The following SOX5 variants were observed in gnomAD, a reference collection of about 807,000 sequenced individuals.
SOX5 encodes transcription factor SOX-5.
A neutral mutation model predicts 92.0 loss-of-function variants in SOX5; 9 were observed. The observed-to-expected ratio is 0.10, with a 90% confidence interval of 0.06 to 0.17. The LOEUF (loss-of-function observed/expected upper bound fraction) is 0.17, where lower values mean the gene tolerates loss of function less well. Among genes scored for constraint, SOX5 ranks in the 10% least tolerant of loss-of-function variants. SOX5 has a pLI of 1.00. For missense variants in SOX5, 642 were observed against 944.5 expected (o/e 0.68, Z 4.20); for synonymous variants, 344 against 336.3 (o/e 1.02, Z -0.25).
At position 23,784,617 on chromosome 12, in the gene SOX5, T is replaced by C. The variant is rs570466311; in HGVS notation, c.482-28893A>G. Among the ~76,000 whole-genome samples the C allele has an allele frequency of 3.9e-5, 6 of 152,290 alleles. No homozygotes were observed. In the East Asian group the frequency reaches 9.7e-4, roughly 25 times the overall value. On this transcript the variant is annotated intron_variant, in intron 3 of 14. Transcript: ENST00000451604. Reference sequence around the variant, plus strand: ...CTGGGATTAGAGGCGTGAGCCAACATGCCTGGCCGATATATTTTATTTACA... The same window carrying C: ...CTGGGATTAGAGGCGTGAGCCAACACGCCTGGCCGATATATTTTATTTACA...
chr12:23,943,990 C>T (rs1358764659), intron 1 of SOX5, among the ~76,000 whole-genome samples: 2 of 152,046 alleles, frequency 1.3e-5, no homozygotes, highest in Non-Finnish European at 2.9e-5. Context: ...GATTAAGGTT[C>T]AGTGGTTCCA....
intron 8 of SOX5, among the ~76,000 whole-genome samples, chr12:23,636,584 T>C (rs781050612): frequency 6.6e-6 from 1 of 152,186 alleles, no homozygotes; most frequent in Non-Finnish European, 1.5e-5. Flanking sequence ...ATTTATAATG[T>C]CCTTTATTTA....
chr12:24,039,609 G>A (rs1956339075), intron 4 of SOX5, among the ~76,000 whole-genome samples: 1 of 152,126 alleles, frequency 6.6e-6, no homozygotes, highest in South Asian at 2.1e-4. Context: ...AGTTCAAATG[G>A]TTGCAAAATG....
intron 4 of SOX5, among the ~76,000 whole-genome samples, chr12:24,008,822 A>T (rs1952604536): frequency 6.6e-6 from 1 of 152,014 alleles, no homozygotes; most frequent in African/African-American, 2.4e-5. Flanking sequence ...CAGTATTTAT[A>T]CCCCTGTGGA....
upstream of SOX5, among the ~76,000 whole-genome samples, chr12:23,953,298 T>C (rs1288771276): frequency 6.6e-6 from 1 of 152,072 alleles, no homozygotes; most frequent in African/African-American, 2.4e-5. Context: ...ATTGAATCTT[T>C]TAAATTTTGC....
chr12:23,771,187 CAA>C (rs376988688), intron 3 of SOX5, among the ~76,000 whole-genome samples: 18,041 of 108,510 alleles, frequency 0.17, 1,399 homozygotes, highest in Non-Finnish European at 0.23. Flanking sequence ...AAAAATGGAG[CAA>C]AAAAAAAAAA....
chr12:24,496,514 C>T (rs1458693662), intron 1 of SOX5, among the ~76,000 whole-genome samples: 1 of 152,064 alleles, frequency 6.6e-6, no homozygotes, highest in African/African-American at 2.4e-5. Context: ...CTCAGCTTAC[C>T]CTAACTTCGC....
chr12:24,146,478 A>G (rs1301300399), intron 4 of SOX5, among the ~76,000 whole-genome samples: 1 of 152,116 alleles, frequency 6.6e-6, no homozygotes, highest in Non-Finnish European at 1.5e-5. Flanking sequence ...AGATCCTGCT[A>G]AAACAATAAT....
At chr12:24,290,057 G>C (rs1946443015) in intron 2 of SOX5, among the ~76,000 whole-genome samples, 1 of 152,126 alleles carries the variant, frequency 6.6e-6, no homozygotes, top group South Asian at 2.1e-4. Context: ...TCCTTTGTCT[G>C]CGATCCAAAA....
At chr12:24,264,583 T>C (rs998809547) in intron 3 of SOX5, among the ~76,000 whole-genome samples, 1 of 152,192 alleles carries the variant, frequency 6.6e-6, no homozygotes, top group African/African-American at 2.4e-5. Context: ...TATCTTTATT[T>C]TAATAATTTG....
chr12:23,570,183 G>A (rs945725279), intron 10 of SOX5, among the ~76,000 whole-genome samples: 1 of 152,092 alleles, frequency 6.6e-6, no homozygotes, highest in African/African-American at 2.4e-5. Context: ...TGTTTCCAGT[G>A]ATTTTCAACA....
intron 6 of SOX5, among the ~76,000 whole-genome samples, chr12:23,681,346 A>G (rs1274841354): frequency 1.3e-5 from 2 of 151,934 alleles, no homozygotes; most frequent in African/African-American, 4.8e-5. Context: ...AAAATAAAAG[A>G]AAATAGACAC....
At chr12:23,850,452 A>T (rs1044727599) in intron 2 of SOX5, among the ~76,000 whole-genome samples, 8 of 105,268 alleles carry the variant, frequency 7.6e-5, no homozygotes, top group Admixed American at 3.7e-4. Flanking sequence ...ATAAATAAAT[A>T]AAAAAAAAAT....
Position 23,546,345 on chromosome 12 carries a change from A to G in SOX5, c.1568T>C (p.Met523Thr), listed in dbSNP as rs752475410. Residue 523 changes from methionine to threonine, a missense_variant, in exon 12 of 15, where the codon ATG becomes ACG. Physicochemically the swap from Met to Thr is moderately conservative, Grantham distance 81. Coordinates refer to ENST00000451604, the MANE Select transcript of SOX5 (RefSeq NM_006940.6). ...AGAATCTCCACTCAGATTGAAATCC[A>G]TCATTGCATGGCTAAATTTTCCTTC... ...NEEGKFSHAM[M>T]DFNLSGDSDG... 23 of 1,598,758 alleles carry G rather than the reference A, an allele frequency of 1.4e-5. No homozygotes were observed. Among genetic ancestry groups the G allele is most frequent in the Non-Finnish European group, 2.0e-5 (23 of 1,166,506 alleles).
In SOX5 at chr12:23,617,052, C is replaced by CA. The variant is rs1345164381; in HGVS notation, c.1018-12520dup. Among the ~76,000 whole-genome samples, 5 of 149,724 alleles carry CA rather than the reference C, an allele frequency of 3.3e-5. No homozygotes were observed. In the East Asian group the frequency reaches 9.9e-4, roughly 30 times the overall value. ...AGACAGGGGGATTGCTTGAGCCCAG[C>CA]AGTTCAAGGCTGCAGTGAGCTGTGA... On this transcript the variant is annotated intron_variant, in intron 8 of 14. Transcript: ENST00000451604.
intron 4 of SOX5, among the ~76,000 whole-genome samples, chr12:24,200,428 A>T (rs909551460): frequency 6.6e-6 from 1 of 152,078 alleles, no homozygotes; most frequent in Non-Finnish European, 1.5e-5. Context: ...AAATATACAT[A>T]TACTTACTAT....
intron 14 of SOX5, among the ~76,000 whole-genome samples, chr12:23,535,492 G>A (rs1048108757): frequency 2.0e-5 from 3 of 152,134 alleles, no homozygotes; most frequent in African/African-American, 7.2e-5. Flanking sequence ...CCTCATTTTT[G>A]CATCTGGTCC....
chr12:23,909,604 C>A (rs1172774880), intron 1 of SOX5, among the ~76,000 whole-genome samples: 1 of 152,140 alleles, frequency 6.6e-6, no homozygotes, highest in Non-Finnish European at 1.5e-5. Context: ...GGTACTCAGT[C>A]TGCCATCTTT....
Position 24,148,707 on chromosome 12 carries a change from A to G in SOX5, c.-2+64636T>C, listed in dbSNP as rs1275400079. Among the ~76,000 whole-genome samples, 17 of 116,552 alleles carry G rather than the reference A, an allele frequency of 1.5e-4. 1 individual carries two copies. The highest frequency in any genetic ancestry group is 2.8e-4 in the African/African-American group (9 of 32,534). 76.5% of individuals were successfully genotyped at this position (116,552 alleles called of 152,430 possible). A position where few individuals can be genotyped will look rare whatever the true frequency, so the allele number is the denominator to read the frequency against. ...CTCTACTAAAAAAAAAAAAAAAAAA[A>G]AAAAAAAAAGAAGAAAGAAAGAAAA... On this transcript the variant is annotated intron_variant, in intron 4 of 4. Coordinates refer to the SOX5 transcript ENST00000446891.
Sources: allele counts gnomAD v4.1 joint callset (sites outside exome capture counted in the v4.1 genomes callset), GRCh38; gene constraint gnomAD v4.1.1; transcripts MANE v1.5; gene names NCBI Gene and HGNC (gene_info 2026-07-23, HGNC 2026-07-21).